The following TCF20 variants were observed in gnomAD, a reference collection of about 807,000 sequenced individuals.
TCF20 encodes the protein SPRE-binding protein.
Under a neutral mutation model 148.6 loss-of-function variants are expected in TCF20, and 3 were observed. The ratio of observed to expected loss-of-function variants is 0.02; its 90% CI spans 0.01 to 0.05. The LOEUF (loss-of-function observed/expected upper bound fraction) is 0.05, where lower values mean the gene tolerates loss of function less well. Ranked by LOEUF, TCF20 falls within the 10% of genes least tolerant of loss-of-function variation. The probability of loss-of-function intolerance (pLI) is 1.00; values close to 1 mark genes in which losing one functional copy is unlikely to be tolerated. For synonymous variants in TCF20, 1,049 were observed against 909.5 expected (o/e 1.15, Z -2.76); for missense variants, 2,350 against 2,429.3 (o/e 0.97, Z 0.69).
intron 2 of TCF20, among the ~76,000 whole-genome samples, chr22:42,203,381 CCCT>C (rs529096657): frequency 2.6e-5 from 4 of 152,116 alleles, no homozygotes; most frequent in Admixed American, 2.6e-4. Flanking sequence ...CACATCATCC[CCCT>C]ACCTCTAGAG....
intron 1 of TCF20, among the ~76,000 whole-genome samples, chr22:42,269,344 G>A (rs959420144): frequency 6.6e-6 from 1 of 152,104 alleles, no homozygotes; most frequent in East Asian, 1.9e-4. Context: ...ATTTTGACCT[G>A]ACCCCTAAGG....
In TCF20 at chr22:42,161,972, C is replaced by CTTTTTTTTTTTTT. The variant is rs3045573; in HGVS notation, c.*45-627_*45-615dup. On this transcript the variant is annotated intron_variant, in intron 5 of 5. Coordinates refer to ENST00000677622, the MANE Select transcript of TCF20 (RefSeq NM_001378418.1). ...GCCACCATGCTTGGCTAATGACAGT[C>CTTTTTTTTTTTTT]TTTTTTTTTTTTTTTTTTTTTTTTT... 1.2e-3 allele frequency among the ~76,000 whole-genome samples: 88 copies of CTTTTTTTTTTTTT among 75,018 alleles called. 13 individuals carry two copies. Among genetic ancestry groups the CTTTTTTTTTTTTT allele is most frequent in the African/African-American group, 5.2e-3 (82 of 15,654 alleles). 49.2% of individuals were successfully genotyped at this position (75,018 alleles called of 152,430 possible). A position where few individuals can be genotyped will look rare whatever the true frequency, so the allele number is the denominator to read the frequency against.
At position 42,168,591 on chromosome 22, in the gene TCF20, C is replaced by A. The variant is rs531522301; in HGVS notation, c.*44+18G>T. ...GGGAGCCGGGCAGGATGCAGGGAGC[C>A]CGGTGGCCCCGACTCACCTGTGCTT... is the stretch of plus-strand genomic sequence containing the variant. On this transcript the variant is annotated intron_variant, in intron 5 of 5. Coordinates refer to ENST00000677622, the MANE Select transcript of TCF20 (RefSeq NM_001378418.1). 2.1e-4 allele frequency: 328 copies of A among 1,547,656 alleles called. No homozygotes were observed. Among genetic ancestry groups the A allele is most frequent in the Non-Finnish European group, 2.6e-4 (298 of 1,149,266 alleles).
Position 42,210,576 on chromosome 22 carries a change from G to C in TCF20, c.4730C>G (p.Pro1577Arg), listed in dbSNP as rs1920936939. The C allele has an allele frequency of 6.2e-7, 1 of 1,613,866 alleles. No homozygotes were observed. Among genetic ancestry groups the C allele is most frequent in the Non-Finnish European group, 8.5e-7 (1 of 1,180,010 alleles). The change falls in exon 2 of 6, where the codon CCA becomes CGA. Residue 1577 changes from proline (P) to arginine (R), a missense_variant. By Grantham distance (103) the Pro-to-Arg change is moderately radical (BLOSUM62 -2). Coordinates refer to ENST00000677622, the MANE Select transcript of TCF20 (RefSeq NM_001378418.1). The surrounding 1 kb of genome is among the most constrained non-coding windows in gnomAD (Gnocchi z 4.7). ...CTCCCTCCTTTGCCTCTGTTTTTTTGGCTTTGGCTCTCCATCTGCAGAACC... is the reference window on the plus strand; with the variant it reads ...CTCCCTCCTTTGCCTCTGTTTTTTTCGCTTTGGCTCTCCATCTGCAGAACC... ...PEGSADGEPK[P>R]KKQRQRRERR...
At chr22:42,283,771 T>C (rs1926966356) in intron 1 of TCF20, among the ~76,000 whole-genome samples, 1 of 151,680 alleles carries the variant, frequency 6.6e-6, no homozygotes, top group South Asian at 2.1e-4. Context: ...CGGGCACGCC[T>C]CGCACGCCAG....
In TCF20 at chr22:42,290,598, G is replaced by C. The variant is rs1927115481; in HGVS notation, c.-37+52881C>G. Among the ~76,000 whole-genome samples, 1 of 152,152 alleles carries C rather than the reference G, an allele frequency of 6.6e-6. No homozygotes were observed. Among genetic ancestry groups the C allele is most frequent in the Admixed American group, 6.5e-5 (1 of 15,286 alleles). ...TTAGAGCCAAGGGCAGGCTGGGAGGGAAAGGCTTCTGGTTTCTGGAGGGTA... is the reference window on the plus strand; with the variant it reads ...TTAGAGCCAAGGGCAGGCTGGGAGGCAAAGGCTTCTGGTTTCTGGAGGGTA... On this transcript the variant is annotated intron_variant, in intron 1 of 1. Transcript: ENST00000515426. The surrounding 1 kb of genome is among the most constrained non-coding windows in gnomAD (Gnocchi z 4.2).
Position 42,279,875 on chromosome 22 carries a change from CT to C in TCF20, c.-37+3951del, listed in dbSNP as rs1158945355. On this transcript the variant is annotated intron_variant, in intron 1 of 5. Coordinates refer to the TCF20 transcript ENST00000359486. This position sits in a 1 kb window ranked among gnomAD's most constrained non-coding sequence, Gnocchi z 4.3. ...AAAGCCATGTGTGGGCTGGATGTGG[CT>C]CCCCAGCCCCGTAGACACCACCCCA... Among the ~76,000 whole-genome samples the C allele has an allele frequency of 6.6e-6, 1 of 152,148 alleles. No individual in the cohort carries two copies. The highest frequency in any genetic ancestry group is 1.5e-5 in the Non-Finnish European group (1 of 68,020).
At chr22:42,250,861 A>G (rs1925305713) in intron 1 of TCF20, among the ~76,000 whole-genome samples, 1 of 152,162 alleles carries the variant, frequency 6.6e-6, no homozygotes, top group Admixed American at 6.5e-5. Context: ...GAAGCTTCCA[A>G]TCATGGCAGA....
intron 1 of TCF20, among the ~76,000 whole-genome samples, chr22:42,303,492 T>G (rs1601699705): frequency 6.6e-6 from 1 of 152,216 alleles, no homozygotes; most frequent in Non-Finnish European, 1.5e-5. Context: ...CAACACCCCA[T>G]GGGCAGCTAT....
intron 1 of TCF20, among the ~76,000 whole-genome samples, chr22:42,304,606 C>T (rs1321352162): frequency 6.6e-6 from 1 of 152,210 alleles, no homozygotes; most frequent in Non-Finnish European, 1.5e-5. Flanking sequence ...TCTGTTGTGC[C>T]AGGCAGGCAC....
intron 1 of TCF20, among the ~76,000 whole-genome samples, chr22:42,295,046 G>C (rs1927205847): frequency 1.3e-5 from 2 of 152,196 alleles, no homozygotes; most frequent in Non-Finnish European, 2.9e-5. Flanking sequence ...ACCAGCCATG[G>C]GCAAGGGACC....
upstream of TCF20, among the ~76,000 whole-genome samples, chr22:42,273,612 G>A (rs138197190): frequency 3.6e-4 from 54 of 150,590 alleles, no homozygotes; most frequent in African/African-American, 1.0e-3. Flanking sequence ...TACCACACTC[G>A]GAGCTCTTTA....
chr22:42,211,398 G>A lies in TCF20; in HGVS notation c.3908C>T (p.Ser1303Phe). 1 of 1,614,228 alleles carries A rather than the reference G, an allele frequency of 6.2e-7. No individual in the cohort carries two copies. The highest frequency in any genetic ancestry group is 8.5e-7 in the Non-Finnish European group (1 of 1,180,046). ...DKAFNSYAHLSHSQDIKSIPK... is the reference protein window; with the variant it reads ...DKAFNSYAHLFHSQDIKSIPK... ...GATAGACTTGATATCCTGACTGTGA[G>A]AAAGATGGGCATAGGAATTGAATGC... Residue 1303 changes from serine (S) to phenylalanine (F), a missense_variant, in exon 2 of 6, where the codon TCT becomes TTT. This residue lies in a region of TCF20 where 1,641 missense variants were observed against 1,662.6 expected (regional missense o/e 0.99). Transcript: ENST00000677622.
intron 1 of TCF20, among the ~76,000 whole-genome samples, chr22:42,313,597 C>CTTTCT (rs755750352): frequency 1.5e-3 from 175 of 120,298 alleles, no homozygotes; most frequent in African/African-American, 5.4e-3. Context: ...AGAATTCTTT[C>CTTTCT]TTTTTTTTTT....
rs531102604 is a variant in TCF20 at position 42,337,143 on chromosome 22, A to G, written c.-37+6336T>C. ...CACATCAGGGGCTCCTGGGCCCTCC[A>G]GATGCTGCTGCCTCATGTCCAAGGC... On this transcript the variant is annotated intron_variant, in intron 1 of 1. Transcript: ENST00000515426. Among the ~76,000 whole-genome samples the G allele has an allele frequency of 2.6e-5, 4 of 152,238 alleles. No homozygotes were observed. The East Asian group carries it at 7.7e-4, about 29-fold the overall frequency.
chr22:42,262,195 T>TG, intron 1 of TCF20, among the ~76,000 whole-genome samples: 1 of 152,112 alleles, frequency 6.6e-6, no homozygotes, highest in Admixed American at 6.5e-5. Flanking sequence ...AGCAGACACA[T>TG]ACGACTCTTG....
At chr22:42,179,762 C>A in intron 2 of TCF20, 60 bp from the exon 3 acceptor site, 1 of 1,105,648 alleles carries the variant, frequency 9.0e-7, no homozygotes, top group Non-Finnish European at 1.4e-6. Flanking sequence ...CTCCTCCAGG[C>A]CTTCCCTGGT....
chr22:42,163,761 G>A (rs1294783600), intron 5 of TCF20, among the ~76,000 whole-genome samples: 2 of 152,202 alleles, frequency 1.3e-5, no homozygotes, highest in South Asian at 2.1e-4. Context: ...TGAGCAGCAG[G>A]AGCGACCTGC....
intron 1 of TCF20, among the ~76,000 whole-genome samples, chr22:42,216,230 C>T (rs995285320): frequency 1.3e-5 from 2 of 151,842 alleles, no homozygotes; most frequent in Non-Finnish European, 2.9e-5. Flanking sequence ...TTTGGGACTA[C>T]AGGCATAAGC....
Sources: gnomAD v4.1 joint callset for allele counts (sites outside exome capture counted in the v4.1 genomes callset) on GRCh38, gnomAD v4.1.1 for gene constraint, gnomAD v4.1.1 regional missense constraint, Gnocchi (gnomAD v3.1) non-coding constraint, MANE v1.5 for transcripts, NCBI Gene and HGNC (gene_info 2026-07-23, HGNC 2026-07-21) for gene names.